The following PFKFB3 variants were observed in gnomAD, a reference collection of about 807,000 sequenced individuals.
PFKFB3 encodes 6-phosphofructo-2-kinase/fructose-2,6-bisphosphatase 3.
A neutral mutation model predicts 68.0 loss-of-function variants in PFKFB3; 33 were observed. The observed-to-expected ratio is 0.49, with a 90% CI of 0.37 to 0.65. The LOEUF (loss-of-function observed/expected upper bound fraction) is 0.65. PFKFB3 is among the 30% of genes least tolerant of loss of function. The pLI is 0.00. For synonymous variants in PFKFB3, 315 were observed against 288.2 expected, an observed-to-expected ratio of 1.09 and a Z score of -0.94; for missense variants, 586 against 712.2, an observed-to-expected ratio of 0.82 and a Z score of 2.02.
At chr10:6,170,398 A>G (rs1842272076) in intron 1 of PFKFB3, among the ~76,000 whole-genome samples, 1 of 152,190 alleles carries the variant, frequency 6.6e-6, no homozygotes, top group South Asian at 2.1e-4. Context: ...TCCTCTAAGA[A>G]ATGAAATATA....
chr10:6,293,065 C>T, the PFKFB3 span: 5 of 384,132 alleles, frequency 1.3e-5, no homozygotes, highest in East Asian at 7.3e-5. Flanking sequence ...GAAACGGAGA[C>T]GTTCAGCTAC....
At chr10:6,225,021 G>T (rs1845239749) in intron 13 of PFKFB3, 5 of 426,132 alleles carry the variant, frequency 1.2e-5, no homozygotes, top group Non-Finnish European at 2.4e-5. Flanking sequence ...AGACCTCGAG[G>T]CCTGGCCGTG....
rs868661335 is a variant in PFKFB3 at position 6,154,278 on chromosome 10, C to T, written c.16+9265C>T. Among the ~76,000 whole-genome samples, 7 of 151,076 alleles carry T rather than the reference C, an allele frequency of 4.6e-5. No individual in the cohort carries two copies. The highest frequency in any genetic ancestry group is 6.9e-3 in the Middle Eastern group (2 of 290). On this transcript the variant is annotated intron_variant, in intron 1 of 14. Coordinates refer to the PFKFB3 transcript ENST00000379789. This position sits in a 1 kb window ranked among gnomAD's most constrained non-coding sequence, Gnocchi z 4.6. ...TTTTTTTTTTTGAGGCAGGGTCCCACTCTGTTGGCCAGGCTGGAGTGCAGT... is the reference window on the plus strand; with the variant it reads ...TTTTTTTTTTTGAGGCAGGGTCCCATTCTGTTGGCCAGGCTGGAGTGCAGT...
intron 14 of PFKFB3, among the ~76,000 whole-genome samples, chr10:6,244,536 G>T (rs1327368582): frequency 2.0e-5 from 3 of 152,116 alleles, no homozygotes; most frequent in Non-Finnish European, 2.9e-5. Flanking sequence ...TCTGGGGCAG[G>T]TCCTCCTACA....
chr10:6,171,934 T>G (rs1175642765), intron 1 of PFKFB3, among the ~76,000 whole-genome samples: 1 of 152,226 alleles, frequency 6.6e-6, no homozygotes, highest in East Asian at 1.9e-4. Context: ...TCTTGTTCCA[T>G]AGATCTGGCT....
chr10:6,231,829 T>C (rs533212760), intron 14 of PFKFB3, among the ~76,000 whole-genome samples: 2 of 146,286 alleles, frequency 1.4e-5, no homozygotes, highest in South Asian at 2.2e-4. Flanking sequence ...TGGTGGGCAC[T>C]CATCACCTCC....
intron 11 of PFKFB3, among the ~76,000 whole-genome samples, chr10:6,223,242 G>GC (rs924800125): frequency 5.9e-5 from 9 of 152,162 alleles, no homozygotes; most frequent in Non-Finnish European, 1.0e-4. Context: ...CCTGAGACCC[G>GC]CCCCTGGCTC....
At chr10:6,183,957 TG>T in intron 1 of PFKFB3, among the ~76,000 whole-genome samples, 1 of 152,122 alleles carries the variant, frequency 6.6e-6, no homozygotes, top group African/African-American at 2.4e-5. Flanking sequence ...CCCAAAGTGC[TG>T]GGATTACAGG....
chr10:6,149,278 T>C (rs7092587), intron 1 of PFKFB3, among the ~76,000 whole-genome samples: 4,611 of 152,008 alleles, frequency 0.03, 204 homozygotes, highest in African/African-American at 0.11. Flanking sequence ...GAATAGCAGG[T>C]GAAAGTTCTA....
intron 1 of PFKFB3, among the ~76,000 whole-genome samples, chr10:6,190,795 C>A (rs972976923): frequency 1.3e-5 from 2 of 152,034 alleles, no homozygotes; most frequent in South Asian, 4.2e-4. Context: ...CTATTTATTT[C>A]GGAGATAGGG....
At chr10:6,290,011 C>T in the PFKFB3 span, among the ~76,000 whole-genome samples, 4 of 151,696 alleles carry the variant, frequency 2.6e-5, no homozygotes, top group South Asian at 2.1e-4. Flanking sequence ...TGTTTGTCTG[C>T]TATTGGTGTA....
At chr10:6,278,285 G>T in the PFKFB3 span, among the ~76,000 whole-genome samples, 8 of 149,806 alleles carry the variant, frequency 5.3e-5, no homozygotes, top group African/African-American at 1.7e-4. Context: ...TTTTTTTGTT[G>T]TTGTTGTTGT....
At chr10:6,309,621 C>A in the PFKFB3 span, among the ~76,000 whole-genome samples, 1 of 151,624 alleles carries the variant, frequency 6.6e-6, no homozygotes, top group Non-Finnish European at 1.5e-5. Flanking sequence ...GACTCCATCC[C>A]CGCCCCTCAC....
exon 15 of PFKFB3, chr10:6,254,439 G>A (rs1471137584): frequency 7.5e-6 from 3 of 398,232 alleles, no homozygotes; most frequent in Non-Finnish European, 1.3e-5. Flanking sequence ...CTTATGCTGT[G>A]GTTATGTGGG....
chr10:6,250,842 G>A (rs7897489), intron 14 of PFKFB3, among the ~76,000 whole-genome samples: 27,097 of 152,086 alleles, frequency 0.18, 3,431 homozygotes, highest in African/African-American at 0.34. Context: ...TGTTATAACC[G>A]GCCCAAATGG....
At chr10:6,187,824 T>A (rs924822281) in intron 1 of PFKFB3, among the ~76,000 whole-genome samples, 2 of 152,192 alleles carry the variant, frequency 1.3e-5, no homozygotes. Context: ...GAGTTTTAGC[T>A]GTTTTGAAAT....
chr10:6,239,313 C>T (rs546920571), downstream of PFKFB3, among the ~76,000 whole-genome samples: 24 of 152,278 alleles, frequency 1.6e-4, no homozygotes, highest in Admixed American at 3.3e-4. Flanking sequence ...AGCTTAAGGA[C>T]GCTGCTTGAT....
chr10:6,215,371 G>C lies in PFKFB3; in HGVS notation c.299+54G>C. ...GGCTGTGGGAATAAGGCTGGGCCGC[G>C]GGCATAAGGCTGGGCTGCAGGAGTA... On this transcript the variant is annotated intron_variant, in intron 3 of 14. Transcript: ENST00000379775. The surrounding 1 kb of genome is among the most constrained non-coding windows in gnomAD (Gnocchi z 4.3). 1 of 1,392,296 alleles carries C rather than the reference G, an allele frequency of 7.2e-7. No homozygotes were observed. Among genetic ancestry groups the C allele is most frequent in the Non-Finnish European group, 1.0e-6 (1 of 984,250 alleles). The allele number at this position is 1,392,296 out of a possible 1,614,324, so 86.2% of individuals were successfully genotyped here.
At position 6,210,446 on chromosome 10, in the gene PFKFB3, C is replaced by T. The variant is rs190161141; in HGVS notation, c.77-3177C>T. 9.4e-3 allele frequency among the ~76,000 whole-genome samples: 1,044 copies of T among 110,536 alleles called. 109 individuals carry two copies. Among genetic ancestry groups the T allele is most frequent in the African/African-American group, 0.027 (975 of 36,568 alleles). 72.5% of individuals were successfully genotyped at this position (110,536 alleles called of 152,430 possible). ...CGCTATCTCGGCTCACTGCAAGCTC[C>T]GCCTCCCGGGTTCACGCCATTCTCC... On this transcript the variant is annotated intron_variant, in intron 1 of 14. Transcript: ENST00000379775.
Sources: gnomAD v4.1 joint callset for allele counts (sites outside exome capture counted in the v4.1 genomes callset) on GRCh38, gnomAD v4.1.1 for gene constraint, Gnocchi (gnomAD v3.1) non-coding constraint, MANE v1.5 for transcripts, NCBI Gene and HGNC (gene_info 2026-07-23, HGNC 2026-07-21) for gene names.